SMAD4: variants seen among roughly 807,000 people sequenced by gnomAD.
The protein encoded by SMAD4 is SMAD family member 4.
Under a neutral mutation model 63.2 loss-of-function variants are expected in SMAD4, and 7 were observed. The observed-to-expected ratio is 0.11, with a 90% CI of 0.06 to 0.21. SMAD4 has a LOEUF of 0.21. Among genes scored for constraint, SMAD4 ranks in the 10% least tolerant of loss-of-function variants. The pLI is 1.00. For missense variants in SMAD4, 312 were observed against 693.8 expected (o/e 0.45, Z 6.18); for synonymous variants, 215 against 235.4 (o/e 0.91, Z 0.79).
At chr18:51,045,651 T>A (rs1175139175) in intron 1 of SMAD4, among the ~76,000 whole-genome samples, 1 of 152,220 alleles carries the variant, frequency 6.6e-6, no homozygotes, top group African/African-American at 2.4e-5. Context: ...ATAATTTCCA[T>A]ACCATAAAAT....
At position 51,058,439 on chromosome 18, in the gene SMAD4, C is replaced by T. The variant is rs1417632301; in HGVS notation, c.887C>T (p.Pro296Leu). The change falls in exon 7 of 12, where the codon CCC becomes CTC. Residue 296 changes from proline to leucine, a missense_variant. By Grantham distance (98) the Pro-to-Leu change is moderately conservative. This residue lies in a region of SMAD4 where 169 missense variants were observed against 211.0 expected (regional missense o/e 0.80). Coordinates refer to ENST00000342988, the MANE Select transcript of SMAD4 (RefSeq NM_005359.6). ...GHLQHHPPMP[P>L]HPGHYWPVHN... ...CTTCAGCACCACCCGCCTATGCCGC[C>T]CCATCCCGGACATTACTGTAAGCTC... The T allele has an allele frequency of 1.9e-6, 3 of 1,613,492 alleles. No individual in the cohort carries two copies. The highest frequency in any genetic ancestry group is 1.3e-5 in the African/African-American group (1 of 74,838).
intron 2 of SMAD4, among the ~76,000 whole-genome samples, chr18:51,047,669 C>T (rs1384272383): frequency 2.0e-5 from 3 of 150,992 alleles, no homozygotes; most frequent in East Asian, 1.9e-4. Flanking sequence ...AGTACAGTGG[C>T]GTGATCTTGG....
chr18:51,042,853 G>GT (rs1909431862), intron 1 of SMAD4, among the ~76,000 whole-genome samples: 1 of 152,138 alleles, frequency 6.6e-6, no homozygotes, highest in Non-Finnish European at 1.5e-5. Context: ...AGTTCAAGTT[G>GT]TTTAAGAGTT....
At chr18:51,058,847 A>G (rs1255727355) in intron 7 of SMAD4, among the ~76,000 whole-genome samples, 1 of 152,188 alleles carries the variant, frequency 6.6e-6, no homozygotes, top group African/African-American at 2.4e-5. Flanking sequence ...TACTTTGGAT[A>G]ATGTTGAATC....
At chr18:51,035,125 C>A (rs1909166547) in intron 1 of SMAD4, among the ~76,000 whole-genome samples, 1 of 152,178 alleles carries the variant, frequency 6.6e-6, no homozygotes, top group South Asian at 2.1e-4. Flanking sequence ...GCCACATTTG[C>A]TTTGCTTCTG....
chr18:51,032,547 T>A (rs1943038951), intron 1 of SMAD4, among the ~76,000 whole-genome samples: 1 of 152,208 alleles, frequency 6.6e-6, no homozygotes, highest in African/African-American at 2.4e-5. Flanking sequence ...TTAAGCTACA[T>A]TTTAGTCGAG....
At chr18:51,066,312 C>T (rs1232138668) in intron 9 of SMAD4, among the ~76,000 whole-genome samples, 1 of 150,384 alleles carries the variant, frequency 6.6e-6, no homozygotes, top group Non-Finnish European at 1.5e-5. Flanking sequence ...CCACTGCACC[C>T]CAGCCTGGGT....
At chr18:51,063,766 A>G (rs1416909825) in intron 8 of SMAD4, among the ~76,000 whole-genome samples, 1 of 152,198 alleles carries the variant, frequency 6.6e-6, no homozygotes, top group Non-Finnish European at 1.5e-5. Context: ...ACACTCAGTG[A>G]AGACACTTAG....
chr18:51,043,595 T>G (rs1164113602), intron 1 of SMAD4, among the ~76,000 whole-genome samples: 1 of 152,202 alleles, frequency 6.6e-6, no homozygotes, highest in African/African-American at 2.4e-5. Context: ...TTCAGGCACT[T>G]GTGGTCATAG....
chr18:51,042,297 C>CTCCT (rs1173103383), intron 1 of SMAD4, among the ~76,000 whole-genome samples: 2 of 67,998 alleles, frequency 2.9e-5, no homozygotes, highest in African/African-American at 4.2e-5. Context: ...GCCTCCCTCC[C>CTCCT]TCCTTCCCTC....
At chr18:51,060,043 G>C (rs1396280706) in intron 8 of SMAD4, 127 bp downstream of exon 8, 1 of 740,970 alleles carries the variant, frequency 1.3e-6, no homozygotes, top group Non-Finnish European at 2.4e-6. Flanking sequence ...ATCATGACAT[G>C]AGTTAATCAA....
intron 1 of SMAD4, among the ~76,000 whole-genome samples, chr18:51,036,989 G>A (rs779066742): frequency 3.3e-5 from 5 of 152,094 alleles, no homozygotes; most frequent in Non-Finnish European, 4.4e-5. Flanking sequence ...GTGAAACCCC[G>A]TCTCTACTAA....
intron 1 of SMAD4, among the ~76,000 whole-genome samples, chr18:51,037,939 A>T (rs911669106): frequency 6.6e-6 from 1 of 152,130 alleles, no homozygotes; most frequent in Non-Finnish European, 1.5e-5. Flanking sequence ...CCAGTTTCTT[A>T]ATACTTAAAG....
chr18:51,031,398 C>T (rs1291067674), intron 1 of SMAD4, among the ~76,000 whole-genome samples: 2 of 152,164 alleles, frequency 1.3e-5, no homozygotes, highest in African/African-American at 4.8e-5. Context: ...TTAAAAAGCC[C>T]TGTTGAAGAT....
At chr18:51,060,854 G>A (rs1462687429) in intron 8 of SMAD4, among the ~76,000 whole-genome samples, 4 of 151,842 alleles carry the variant, frequency 2.6e-5, no homozygotes, top group African/African-American at 7.3e-5. Context: ...GGCTGGTCTC[G>A]AACTCCTGGG....
At chr18:51,063,510 T>A (rs1440492974) in intron 8 of SMAD4, among the ~76,000 whole-genome samples, 1 of 152,090 alleles carries the variant, frequency 6.6e-6, no homozygotes, top group East Asian at 1.9e-4. Flanking sequence ...CCTCCCAGAC[T>A]TAGGTGATTC....
chr18:51,035,097 G>A (rs1039408708), intron 1 of SMAD4, among the ~76,000 whole-genome samples: 2 of 152,094 alleles, frequency 1.3e-5, no homozygotes, highest in Non-Finnish European at 2.9e-5. Context: ...CTAACTTAAC[G>A]GGTCTTTTGA....
chr18:51,048,961 G>A (rs1028514415), intron 3 of SMAD4, 101 bp downstream of exon 3: 22 of 1,025,862 alleles, frequency 2.1e-5, no homozygotes, highest in African/African-American at 6.4e-5. Flanking sequence ...AAGATAGCCC[G>A]CGACTTTAAA....
chr18:51,060,287 A>G lies in SMAD4; in HGVS notation c.955+371A>G, dbSNP rs1909973259. 1.3e-5 allele frequency among the ~76,000 whole-genome samples: 2 copies of G among 152,246 alleles called. 1 individual carries two copies. The highest frequency in any genetic ancestry group is 4.8e-5 in the African/African-American group (2 of 41,478). On this transcript the variant is annotated intron_variant, in intron 8 of 11. Coordinates refer to ENST00000342988, the MANE Select transcript of SMAD4 (RefSeq NM_005359.6). ...TCTTAAGTACATGCCGAAAAGAAAA[A>G]TAATTCACTCTATTCAGGATCTCTG...
Sources: gnomAD v4.1 joint callset for allele counts (sites outside exome capture counted in the v4.1 genomes callset) on GRCh38, gnomAD v4.1.1 for gene constraint, gnomAD v4.1.1 regional missense constraint, MANE v1.5 for transcripts, NCBI Gene and HGNC (gene_info 2026-07-23, HGNC 2026-07-21) for gene names.